ZGRF1: variants seen among roughly 807,000 people sequenced by gnomAD.
ZGRF1 encodes the protein 5'-3' DNA helicase ZGRF1.
ZGRF1 carries 196 observed loss-of-function variants against 203.5 expected under a neutral mutation model. That is an observed-to-expected ratio of 0.96 (90% CI 0.86 to 1.08). The LOEUF is 1.08. ZGRF1 is among the 50% of genes least tolerant of loss of function. ZGRF1 has a pLI of 0.00. For synonymous variants in ZGRF1, 809 were observed against 841.3 expected, an observed-to-expected ratio of 0.96 and a Z score of 0.66; for missense variants, 2,326 against 2,416.3, an observed-to-expected ratio of 0.96 and a Z score of 0.78.
At chr4:112,601,205 G>C (rs113299832) in intron 10 of ZGRF1, among the ~76,000 whole-genome samples, 3,144 of 152,032 alleles carry the variant, frequency 0.021, 121 homozygotes, top group African/African-American at 0.071. Context: ...GAGCCCAGGA[G>C]TTCAAAACCA....
chr4:112,596,449 G>A (rs1248739474), intron 10 of ZGRF1, among the ~76,000 whole-genome samples: 2 of 151,930 alleles, frequency 1.3e-5, no homozygotes, highest in African/African-American at 4.8e-5. Flanking sequence ...AACACTGGGG[G>A]GAAAAGCAAC....
chr4:112,597,263 C>T (rs1749179883), intron 10 of ZGRF1, among the ~76,000 whole-genome samples: 2 of 147,536 alleles, frequency 1.4e-5, no homozygotes, highest in South Asian at 4.4e-4. Context: ...ACTGTGCTCA[C>T]ACCTATAATC....
intron 7 of ZGRF1, among the ~76,000 whole-genome samples, chr4:112,611,382 G>A (rs537087483): frequency 3.9e-5 from 6 of 152,202 alleles, no homozygotes; most frequent in African/African-American, 1.2e-4. Context: ...CAGCCTGGGC[G>A]AAAGAGAGAG....
rs944720529 is a variant in ZGRF1, at chr4:112,623,725, A to G, written c.162+92T>C. The G allele has an allele frequency of 3.7e-5, 25 of 683,984 alleles. No homozygotes were observed. In the Admixed American group the frequency reaches 6.9e-4, roughly 19 times the overall value. 42.4% of individuals were successfully genotyped at this position (683,984 alleles called of 1,614,324 possible). A position where few individuals can be genotyped will look rare whatever the true frequency, so the allele number is the denominator to read the frequency against. ...TGTTCAACAAATACTATTAGTATTA[A>G]TATTATGACTACACTAACAATATTC... On this transcript the variant is annotated intron_variant, in intron 4 of 27. Transcript: ENST00000505019.
intron 10 of ZGRF1, among the ~76,000 whole-genome samples, chr4:112,596,120 T>C (rs924587031): frequency 6.6e-6 from 1 of 152,228 alleles, no homozygotes; most frequent in Admixed American, 6.5e-5. Flanking sequence ...TCTTTTTCAA[T>C]ATGGAATACC....
chr4:112,541,065 ACTC>A lies in ZGRF1; in HGVS notation c.5775+24_5775+26del, dbSNP rs1251096868. On this transcript the variant is annotated intron_variant, in intron 25 of 27. Transcript: ENST00000505019. ...TAAACCAGGAACCTAAACCATGTTGACTCTCATCAACATTAATGTCATTTACCT... is the reference window on the plus strand; with the variant it reads ...TAAACCAGGAACCTAAACCATGTTGATCATCAACATTAATGTCATTTACCT... 16 of 1,556,518 alleles carry A rather than the reference ACTC, an allele frequency of 1.0e-5. No individual in the cohort carries two copies. The Admixed American group carries it at 1.9e-4, about 19-fold the overall frequency.
chr4:112,581,237 A>T (rs1451568346), intron 16 of ZGRF1, among the ~76,000 whole-genome samples: 1 of 132,652 alleles, frequency 7.5e-6, no homozygotes, highest in Non-Finnish European at 1.5e-5. Flanking sequence ...ATGAGAACAC[A>T]TGGACACAGG....
chr4:112,573,616 G>GAACTCA (rs1744620774), intron 16 of ZGRF1, among the ~76,000 whole-genome samples: 1 of 152,006 alleles, frequency 6.6e-6, no homozygotes, highest in Non-Finnish European at 1.5e-5. Flanking sequence ...AGAAAATATA[G>GAACTCA]GTGAGTAATT....
At chr4:112,630,997 T>C (rs373745221) in intron 3 of ZGRF1, among the ~76,000 whole-genome samples, 2 of 152,270 alleles carry the variant, frequency 1.3e-5, no homozygotes, top group East Asian at 3.9e-4. Flanking sequence ...CTTTGACCCT[T>C]GGGCAAGCTA....
intron 10 of ZGRF1, among the ~76,000 whole-genome samples, chr4:112,598,942 T>A (rs1022828559): frequency 6.6e-6 from 1 of 151,974 alleles, no homozygotes; most frequent in African/African-American, 2.4e-5. Flanking sequence ...TCCCAGCTAC[T>A]CAGGAGGCTA....
chr4:112,604,060 T>C (rs1750388841), intron 9 of ZGRF1, among the ~76,000 whole-genome samples: 1 of 151,984 alleles, frequency 6.6e-6, no homozygotes, highest in East Asian at 1.9e-4. Flanking sequence ...CCATCTCTAC[T>C]AAAAATATAA....
At position 112,563,124 on chromosome 4, in the gene ZGRF1, TACTC is replaced by T. The variant is rs2148900898; in HGVS notation, c.4582+3_4582+6del. The T allele has an allele frequency of 6.5e-7, 1 of 1,545,058 alleles. No individual in the cohort carries two copies. Among genetic ancestry groups the T allele is most frequent in the Non-Finnish European group, 8.8e-7 (1 of 1,142,566 alleles). The stretch of plus-strand genomic sequence containing the variant: ...ATATAAACTAAAATGAGCATAGTAA[TACTC>T]ACTGTTAGTGGGCCAATTAGAAGGG... On this transcript the variant is annotated splice_donor_5th_base_variant and intron_variant, in intron 17 of 27. Coordinates refer to ENST00000505019, the MANE Select transcript of ZGRF1 (RefSeq NM_018392.5).
chr4:112,587,038 T>G (rs945853607), intron 12 of ZGRF1, among the ~76,000 whole-genome samples: 4 of 152,176 alleles, frequency 2.6e-5, no homozygotes, highest in African/African-American at 9.7e-5. Context: ...CTATCACTTA[T>G]TAAGTACTGA....
chr4:112,544,809 G>T (rs1164598737), intron 24 of ZGRF1, among the ~76,000 whole-genome samples: 1 of 152,182 alleles, frequency 6.6e-6, no homozygotes, highest in Non-Finnish European at 1.5e-5. Flanking sequence ...CAATGGAAAA[G>T]AATAGAAAGT....
At chr4:112,581,426 A>G (rs1746228510) in intron 16 of ZGRF1, among the ~76,000 whole-genome samples, 3 of 151,398 alleles carry the variant, frequency 2.0e-5, no homozygotes, top group Non-Finnish European at 1.5e-5. Flanking sequence ...CTTAAAGTAT[A>G]ATAAAAATAA....
At chr4:112,559,686 C>G (rs1393091710) in intron 19 of ZGRF1, among the ~76,000 whole-genome samples, 1 of 152,188 alleles carries the variant, frequency 6.6e-6, no homozygotes, top group Non-Finnish European at 1.5e-5. Flanking sequence ...ATTTAATCCT[C>G]CAACCCTATG....
chr4:112,611,442 A>G (rs2046674637), intron 7 of ZGRF1, among the ~76,000 whole-genome samples: 1 of 152,144 alleles, frequency 6.6e-6, no homozygotes, highest in Admixed American at 6.5e-5. Flanking sequence ...GGCAAGTGAA[A>G]CATTCTACTT....
intron 16 of ZGRF1, chr4:112,564,845 G>A (rs565918743): frequency 3.8e-4 from 223 of 581,472 alleles, no homozygotes; most frequent in Non-Finnish European, 6.0e-4. Flanking sequence ...AGTTTCCTTC[G>A]AAGGTCACAT....
rs1750726938 is a variant in ZGRF1 at position 112,606,072 on chromosome 4, T to C, written c.2738A>G (p.Lys913Arg). The C allele has an allele frequency of 1.9e-6, 3 of 1,600,378 alleles. No homozygotes were observed. The highest frequency in any genetic ancestry group is 1.3e-5 in the African/African-American group (1 of 74,352). ...AACAGCTTGAAAAGCAGTCTCTTCT[T>C]TACTTCCCGAGGAAGAGAACTAGGA... ...QSVQFSSSGSKEETAFQAVIP... is the reference protein window; with the variant it reads ...QSVQFSSSGSREETAFQAVIP... The change falls in exon 9 of 28, where the codon AAA becomes AGA. Residue 913 changes from lysine (K) to arginine (R), a missense_variant. By Grantham distance (26) the Lys-to-Arg change is conservative (BLOSUM62 2). Transcript: ENST00000505019.
Sources: allele counts gnomAD v4.1 joint callset (sites outside exome capture counted in the v4.1 genomes callset), GRCh38; gene constraint gnomAD v4.1.1; transcripts MANE v1.5; gene names NCBI Gene and HGNC (gene_info 2026-07-23, HGNC 2026-07-21).